Variants in MTCL2 observed in about 807,000 individuals in gnomAD.
MTCL2 encodes microtubule cross-linking factor 2.
At chr20:36,840,841 G>A in the MTCL2 span, among the ~76,000 whole-genome samples, 12 of 151,368 alleles carry the variant, frequency 7.9e-5, 1 homozygote, top group South Asian at 4.2e-4. Flanking sequence ...GCGAGACTCC[G>A]TCTCAAAAAA....
chr20:36,808,395 T>G, the MTCL2 span: 1 of 759,094 alleles, frequency 1.3e-6, no homozygotes, highest in Non-Finnish European at 2.1e-6. Flanking sequence ...GAAGGAAGCC[T>G]GCATGCTGAT....
chr20:36,822,012 G>A, the MTCL2 span, among the ~76,000 whole-genome samples: 4 of 152,240 alleles, frequency 2.6e-5, no homozygotes, highest in African/African-American at 9.6e-5. Flanking sequence ...CAGAAAGCAG[G>A]GTTGGGGGCA....
the MTCL2 span, among the ~76,000 whole-genome samples, chr20:36,846,403 A>G: frequency 3.3e-5 from 5 of 152,172 alleles, no homozygotes; most frequent in African/African-American, 1.2e-4. Context: ...GCTAACCCAG[A>G]TTTTTTAGCT....
At chr20:36,779,763 T>A in the MTCL2 span, 1 of 152,334 alleles carries the variant, frequency 6.6e-6, no homozygotes, top group East Asian at 1.9e-4. Context: ...AGAAGCCAGT[T>A]ACTGAGGTTA....
the MTCL2 span, chr20:36,794,109 C>T: frequency 1.2e-5 from 19 of 1,551,318 alleles, no homozygotes; most frequent in Middle Eastern, 1.7e-4. This position sits in a 1 kb window ranked among gnomAD's most constrained non-coding sequence, Gnocchi z 5.4. Context: ...AAGCCAGGCC[C>T]GGCCGCCGAG....
the MTCL2 span, among the ~76,000 whole-genome samples, chr20:36,846,523 A>C: frequency 6.6e-6 from 1 of 152,180 alleles, no homozygotes; most frequent in Non-Finnish European, 1.5e-5. Context: ...TTTTGCTCTG[A>C]TTACAGTTAA....
chr20:36,802,234 C>T, the MTCL2 span, among the ~76,000 whole-genome samples: 3 of 152,104 alleles, frequency 2.0e-5, no homozygotes, highest in African/African-American at 4.8e-5. Context: ...TGCAGTGAGC[C>T]GAGAGTGCTC....
chr20:36,807,071 G>A, the MTCL2 span, among the ~76,000 whole-genome samples: 55 of 152,238 alleles, frequency 3.6e-4, no homozygotes, highest in African/African-American at 1.2e-3. Flanking sequence ...AGACAGCTTC[G>A]GACAGGAGGA....
chr20:36,790,026 C>G, the MTCL2 span, among the ~76,000 whole-genome samples: 5 of 142,716 alleles, frequency 3.5e-5, no homozygotes, highest in African/African-American at 8.0e-5. Context: ...GAGTCTCGCT[C>G]TGTCACCCAG....
chr20:36,783,836 A>C, the MTCL2 span: 2 of 985,446 alleles, frequency 2.0e-6, no homozygotes, highest in Non-Finnish European at 2.4e-6. Flanking sequence ...AAAAGAAAAC[A>C]ACCAGTTACC....
chr20:36,816,156 G>A, the MTCL2 span: 24 of 1,613,686 alleles, frequency 1.5e-5, no homozygotes, highest in African/African-American at 9.3e-5. Flanking sequence ...GGCTGACAGC[G>A]CGCTGTCCAG....
the MTCL2 span, chr20:36,863,086 G>A: frequency 2.2e-6 from 3 of 1,394,608 alleles, no homozygotes; most frequent in Admixed American, 2.7e-5. The surrounding 1 kb of genome is among the most constrained non-coding windows in gnomAD (Gnocchi z 6.2). Flanking sequence ...CCGGCCACCC[G>A]CACACCCGCA....
At chr20:36,861,847 C>A in the MTCL2 span, among the ~76,000 whole-genome samples, 1 of 152,218 alleles carries the variant, frequency 6.6e-6, no homozygotes, top group Admixed American at 6.5e-5. Flanking sequence ...AAAGCAAAGG[C>A]AAAGCCTGCT....
the MTCL2 span, among the ~76,000 whole-genome samples, chr20:36,831,830 T>C: frequency 1.3e-5 from 2 of 152,338 alleles, no homozygotes; most frequent in Admixed American, 1.3e-4. Flanking sequence ...ACTGGCTATG[T>C]GACCCAGGTT....
At chr20:36,818,959 C>T in the MTCL2 span, among the ~76,000 whole-genome samples, 1 of 152,346 alleles carries the variant, frequency 6.6e-6, no homozygotes, top group African/African-American at 2.4e-5. Flanking sequence ...TTCAACCCCA[C>T]TCCTGTTAGA....
chr20:36,850,533 A>T, the MTCL2 span, among the ~76,000 whole-genome samples: 7 of 152,022 alleles, frequency 4.6e-5, no homozygotes, highest in African/African-American at 1.7e-4. Flanking sequence ...TTGACCAAAA[A>T]AAAAAGAAAA....
At chr20:36,832,490 C>T in the MTCL2 span, among the ~76,000 whole-genome samples, 1 of 152,204 alleles carries the variant, frequency 6.6e-6, no homozygotes, top group African/African-American at 2.4e-5. Flanking sequence ...CCCCATTCTC[C>T]ATGGAATCCC....
chr20:36,860,693 T>C, the MTCL2 span, among the ~76,000 whole-genome samples: 2 of 152,140 alleles, frequency 1.3e-5, no homozygotes, highest in African/African-American at 2.4e-5. Flanking sequence ...CATTTAACCG[T>C]TGAGGTTGGA....
At chr20:36,813,313 TAAAAAAAAAAAAAA>T in the MTCL2 span, among the ~76,000 whole-genome samples, 1 of 41,898 alleles carries the variant, frequency 2.4e-5, no homozygotes, top group African/African-American at 1.3e-4. Context: ...ACTGTTTCTT[TAAAAAAAAAAAAAA>T]AAAAAAAAAA....
Sources: gnomAD v4.1 joint callset for allele counts (sites outside exome capture counted in the v4.1 genomes callset) on GRCh38, gnomAD v4.1.1 for gene constraint, Gnocchi (gnomAD v3.1) non-coding constraint, MANE v1.5 for transcripts, NCBI Gene and HGNC (gene_info 2026-07-23, HGNC 2026-07-21) for gene names.